The following ANXA4 variants were observed in gnomAD, a reference collection of about 807,000 sequenced individuals.
ANXA4 encodes the protein 35-beta calcimedin.
In ANXA4, 39 loss-of-function variants were observed where a neutral mutation model predicts 49.8. The ratio of observed to expected loss-of-function variants is 0.78; its 90% CI spans 0.61 to 1.02. The LOEUF is 1.02. Ranked by LOEUF, ANXA4 falls within the 50% of genes least tolerant of loss-of-function variation. ANXA4 has a pLI of 0.00. For synonymous variants in ANXA4, 134 were observed against 152.5 expected (o/e 0.88, Z 0.89); for missense variants, 360 against 410.1 (o/e 0.88, Z 1.05).
At chr2:69,797,377 G>A (rs1205878215) in intron 3 of ANXA4, among the ~76,000 whole-genome samples, 1 of 152,132 alleles carries the variant, frequency 6.6e-6, no homozygotes, top group Non-Finnish European at 1.5e-5. Flanking sequence ...CCTAATCAAT[G>A]GGCTAGTCAT....
intron 1 of ANXA4, among the ~76,000 whole-genome samples, chr2:69,756,002 A>G (rs1390822877): frequency 5.9e-5 from 9 of 152,242 alleles, no homozygotes; most frequent in Non-Finnish European, 1.3e-4. Context: ...ATGGGGTGCT[A>G]CTGACCATCT....
In ANXA4 at chr2:69,781,570, C is replaced by A. The variant is rs1559185646; in HGVS notation, c.5C>A (p.Ala2Asp). Reference protein sequence around the residue: MAMATKGGTVKA... With the variant: MDMATKGGTVKA... ...CTCTGATCTTGACCTAGAGTCATGG[C>A]CATGGTAAGTTGTGAAATACCTCAA... is the stretch of plus-strand genomic sequence containing the variant. The change falls in exon 2 of 13, where the codon GCC becomes GAC. Residue 2 changes from alanine (A) to aspartate (D), a missense_variant. Ala to Asp is a moderately radical substitution (Grantham distance 126). Coordinates refer to ENST00000394295, the MANE Select transcript of ANXA4 (RefSeq NM_001153.5). 1 of 1,613,990 alleles carries A rather than the reference C, an allele frequency of 6.2e-7. No individual in the cohort carries two copies. The highest frequency in any genetic ancestry group is 8.5e-7 in the Non-Finnish European group (1 of 1,179,968).
intron 1 of ANXA4, among the ~76,000 whole-genome samples, chr2:69,646,309 A>G (rs72899439): frequency 0.033 from 4,989 of 152,314 alleles, 266 homozygotes; most frequent in African/African-American, 0.11. Context: ...TTCCTGTTCA[A>G]CTTTTAATGT....
chr2:69,671,025 CAAAAAAAAAAAA>C (rs762968256), intron 2 of ANXA4, among the ~76,000 whole-genome samples: 1 of 32,546 alleles, frequency 3.1e-5, no homozygotes, highest in Non-Finnish European at 6.3e-5. Flanking sequence ...GACTCCATCT[CAAAAAAAAAAAA>C]AAAAAAAAAA....
chr2:69,799,304 C>A (rs950223406), intron 3 of ANXA4, among the ~76,000 whole-genome samples: 7 of 152,020 alleles, frequency 4.6e-5, no homozygotes, highest in Admixed American at 1.3e-4. Context: ...TCTTAGTGCA[C>A]CTAAAGGGAA....
intron 1 of ANXA4, among the ~76,000 whole-genome samples, chr2:69,755,393 G>T (rs1446124196): frequency 6.6e-6 from 1 of 152,228 alleles, no homozygotes; most frequent in African/African-American, 2.4e-5. Flanking sequence ...GCCGAGGCTG[G>T]CAGATCACTT....
At chr2:69,825,369 A>C in intron 12 of ANXA4, 87 bp from the exon 13 acceptor site, 1 of 1,094,400 alleles carries the variant, frequency 9.1e-7, no homozygotes, top group Non-Finnish European at 1.3e-6. Flanking sequence ...AAATCCAGCC[A>C]AGCTTGAAAA....
intron 2 of ANXA4, among the ~76,000 whole-genome samples, chr2:69,783,063 G>C (rs1456616204): frequency 4.6e-5 from 7 of 152,026 alleles, no homozygotes; most frequent in African/African-American, 1.7e-4. Flanking sequence ...ACCCCACTTA[G>C]TATAGGAAAA....
intron 1 of ANXA4, among the ~76,000 whole-genome samples, chr2:69,647,697 C>A (rs1559035343): frequency 6.7e-6 from 1 of 150,304 alleles, no homozygotes; most frequent in Non-Finnish European, 1.5e-5. Context: ...GCATGAGCCA[C>A]CACGCCCAGC....
intron 1 of ANXA4, among the ~76,000 whole-genome samples, chr2:69,779,690 A>G (rs1233000669): frequency 1.3e-5 from 2 of 152,198 alleles, no homozygotes; most frequent in African/African-American, 4.8e-5. Context: ...AAAACTTTCC[A>G]CAGTATTCCC....
chr2:69,645,023 C>T lies in ANXA4; in HGVS notation n.481+118C>T, dbSNP rs540844374. The T allele has an allele frequency of 3.2e-4, 48 of 152,282 alleles. 1 individual carries two copies. Among genetic ancestry groups the T allele is most frequent in the Admixed American group, 2.1e-3 (32 of 15,298 alleles). The allele number at this position is 152,282 out of a possible 1,614,324, so 9.4% of individuals were successfully genotyped here. On this transcript the variant is annotated intron_variant and non_coding_transcript_variant, in intron 1 of 3. Transcript: ENST00000418066. ...TGATTTATTAATATTATTTTTCTAA[C>T]CCCTGAATATGGGTTATTGTTCATC...
chr2:69,652,373 T>A (rs1353170409), intron 1 of ANXA4, among the ~76,000 whole-genome samples: 1 of 152,162 alleles, frequency 6.6e-6, no homozygotes, highest in African/African-American at 2.4e-5. Context: ...ACCTATGAGG[T>A]GGTTGTAATT....
chr2:69,666,024 G>A (rs908105422), intron 2 of ANXA4, among the ~76,000 whole-genome samples: 2 of 152,144 alleles, frequency 1.3e-5, no homozygotes, highest in Non-Finnish European at 2.9e-5. Context: ...GCAATATGGT[G>A]AAACCCTGTC....
chr2:69,805,516 G>A (rs1293011447), intron 4 of ANXA4, among the ~76,000 whole-genome samples: 2 of 151,422 alleles, frequency 1.3e-5, no homozygotes, highest in East Asian at 3.9e-4. Context: ...TGAGGCAGGA[G>A]AATCGCTTGA....
chr2:69,768,935 C>CA (rs1017001488), intron 1 of ANXA4, among the ~76,000 whole-genome samples: 19 of 150,738 alleles, frequency 1.3e-4, no homozygotes, highest in South Asian at 2.1e-4. Context: ...AAACAAAAAA[C>CA]AAAAAAAAAC....
At chr2:69,690,988 T>C (rs904777409) in intron 2 of ANXA4, among the ~76,000 whole-genome samples, 3 of 152,184 alleles carry the variant, frequency 2.0e-5, no homozygotes, top group Non-Finnish European at 2.9e-5. Flanking sequence ...TATAAATGAA[T>C]TCTAGAGATG....
intron 2 of ANXA4, among the ~76,000 whole-genome samples, chr2:69,676,847 C>T (rs983252945): frequency 7.9e-5 from 12 of 151,986 alleles, no homozygotes; most frequent in Admixed American, 6.6e-4. Context: ...GAGCCAAGAT[C>T]GCATCACTGT....
chr2:69,810,719 A>G (rs747272662), intron 7 of ANXA4, 46 bp downstream of exon 7: 13 of 1,485,886 alleles, frequency 8.7e-6, no homozygotes, highest in East Asian at 2.3e-5. Flanking sequence ...CGAAATGTCC[A>G]CTCTATCCCC....
intron 2 of ANXA4, among the ~76,000 whole-genome samples, chr2:69,655,920 C>G (rs1676420671): frequency 6.6e-6 from 1 of 151,998 alleles, no homozygotes; most frequent in Admixed American, 6.6e-5. Flanking sequence ...AAAACTAACA[C>G]AGGAACAGAA....
Sources: gnomAD v4.1 joint callset for allele counts (sites outside exome capture counted in the v4.1 genomes callset) on GRCh38, gnomAD v4.1.1 for gene constraint, MANE v1.5 for transcripts, NCBI Gene and HGNC (gene_info 2026-07-23, HGNC 2026-07-21) for gene names.